DCDC1: variants seen among roughly 807,000 people sequenced by gnomAD.
DCDC1 encodes doublecortin domain-containing protein 1.
DCDC1 carries 200 observed loss-of-function variants against 178.3 expected under a neutral mutation model. The observed-to-expected ratio is 1.12, with a 90% CI of 1.00 to 1.26. The LOEUF (loss-of-function observed/expected upper bound fraction) is 1.26, where lower values mean the gene tolerates loss of function less well. Ranked by LOEUF, DCDC1 falls within the 50% of genes most tolerant of loss-of-function variation. The probability of loss-of-function intolerance (pLI) is 0.00; values close to 1 mark genes in which losing one functional copy is unlikely to be tolerated. For synonymous variants in DCDC1, 690 were observed against 604.8 expected, an observed-to-expected ratio of 1.14 and a Z score of -2.07; for missense variants, 1,983 against 1,749.2, an observed-to-expected ratio of 1.13 and a Z score of -2.38.
chr11:31,352,335 C>T (rs930419243), intron 1 of DCDC1, among the ~76,000 whole-genome samples: 5 of 152,134 alleles, frequency 3.3e-5, no homozygotes, highest in Non-Finnish European at 7.4e-5. Flanking sequence ...AAAGAGAAAT[C>T]GTTTATTTAT....
intron 20 of DCDC1, among the ~76,000 whole-genome samples, chr11:30,997,461 C>T (rs1422120061): frequency 1.3e-5 from 2 of 152,002 alleles, no homozygotes; most frequent in African/African-American, 2.4e-5. Flanking sequence ...AAGAAAAGCG[C>T]TAATCTAGTA....
intron 2 of DCDC1, among the ~76,000 whole-genome samples, chr11:31,332,053 G>T (rs1470959210): frequency 6.6e-6 from 1 of 151,998 alleles, no homozygotes; most frequent in Non-Finnish European, 1.5e-5. Context: ...GCCTCAATTT[G>T]AGAGCCTGTT....
intron 9 of DCDC1, among the ~76,000 whole-genome samples, chr11:31,141,885 C>T (rs564882619): frequency 9.2e-5 from 14 of 152,290 alleles, no homozygotes; most frequent in African/African-American, 3.4e-4. Flanking sequence ...ACCACGAAAT[C>T]AATCATTTGT....
At chr11:31,066,248 A>C (rs1030360943) in intron 18 of DCDC1, among the ~76,000 whole-genome samples, 4 of 152,172 alleles carry the variant, frequency 2.6e-5, no homozygotes, top group African/African-American at 9.6e-5. Flanking sequence ...CTACCCTTAC[A>C]TGGAAGTAAT....
chr11:31,300,413 G>A (rs1948025028), intron 6 of DCDC1, among the ~76,000 whole-genome samples: 1 of 151,832 alleles, frequency 6.6e-6, no homozygotes, highest in Non-Finnish European at 1.5e-5. Flanking sequence ...TTAGACCAGG[G>A]GCTTATAGAC....
At position 30,897,886 on chromosome 11, in the gene DCDC1, A is replaced by G. The variant is rs755180478; in HGVS notation, c.4765+1655T>C. ...ATGTGATGATGACTATTGGAGGGGA[A>G]GTTCAAAGTGGGATAAACCACATTA... On this transcript the variant is annotated intron_variant, in intron 34 of 38. Transcript: ENST00000684477. Among the ~76,000 whole-genome samples the G allele has an allele frequency of 1.1e-4, 17 of 152,260 alleles. 1 individual carries two copies. Among genetic ancestry groups the G allele is most frequent in the East Asian group, 1.9e-4 (1 of 5,152 alleles).
At chr11:31,098,570 A>G (rs532788569) in intron 15 of DCDC1, among the ~76,000 whole-genome samples, 1 of 152,348 alleles carries the variant, frequency 6.6e-6, no homozygotes, top group Non-Finnish European at 1.5e-5. Context: ...ATTTTAAAAC[A>G]TATGCATCAA....
chr11:31,055,936 C>T (rs1305564746), intron 20 of DCDC1, among the ~76,000 whole-genome samples: 1 of 152,082 alleles, frequency 6.6e-6, no homozygotes, highest in Non-Finnish European at 1.5e-5. Context: ...CAAAATCTCA[C>T]AAATCACCAC....
chr11:31,214,001 G>A (rs1001155516), intron 9 of DCDC1, among the ~76,000 whole-genome samples: 1 of 151,880 alleles, frequency 6.6e-6, no homozygotes, highest in Non-Finnish European at 1.5e-5. Flanking sequence ...TGGTGGGGGG[G>A]ACTTCCATTT....
intron 1 of DCDC1, among the ~76,000 whole-genome samples, chr11:31,365,129 C>T (rs187006120): frequency 1.3e-3 from 197 of 152,292 alleles, no homozygotes; most frequent in African/African-American, 4.6e-3. Context: ...GACAGGACTA[C>T]AGTCAACTTT....
intron 25 of DCDC1, among the ~76,000 whole-genome samples, chr11:30,920,362 T>C (rs938720589): frequency 1.3e-5 from 2 of 152,150 alleles, no homozygotes; most frequent in African/African-American, 4.8e-5. Flanking sequence ...AAGGAAGATA[T>C]TACGGCAATA....
chr11:31,068,551 T>C lies in DCDC1; in HGVS notation c.2299-3398A>G, dbSNP rs775503311. Among the ~76,000 whole-genome samples the C allele has an allele frequency of 8.0e-4, 121 of 152,140 alleles. 1 individual carries two copies. The highest frequency in any genetic ancestry group is 1.5e-3 in the Non-Finnish European group (100 of 68,012). ...TGGGAAAAAGTATATCACAAAGTAATATGTATAGTTTTGTGTGGGTGTGGG... is the reference window on the plus strand; with the variant it reads ...TGGGAAAAAGTATATCACAAAGTAACATGTATAGTTTTGTGTGGGTGTGGG... On this transcript the variant is annotated intron_variant, in intron 18 of 38. Transcript: ENST00000684477.
intron 20 of DCDC1, among the ~76,000 whole-genome samples, chr11:31,011,322 A>G (rs974276986): frequency 1.3e-5 from 2 of 152,220 alleles, no homozygotes; most frequent in Non-Finnish European, 2.9e-5. Flanking sequence ...CTAAATTTTT[A>G]AAAACCTGTT....
At chr11:31,336,087 C>T (rs992359867) in intron 1 of DCDC1, among the ~76,000 whole-genome samples, 1 of 152,086 alleles carries the variant, frequency 6.6e-6, no homozygotes, top group African/African-American at 2.4e-5. Flanking sequence ...AGATAATAAA[C>T]AATAAACATC....
intron 6 of DCDC1, among the ~76,000 whole-genome samples, chr11:31,305,399 A>G (rs1414750355): frequency 2.0e-5 from 3 of 152,220 alleles, no homozygotes; most frequent in East Asian, 3.9e-4. Context: ...TCAGATCTAT[A>G]TTAAATTAAG....
At chr11:31,206,386 A>G (rs937942634) in intron 9 of DCDC1, among the ~76,000 whole-genome samples, 8 of 151,988 alleles carry the variant, frequency 5.3e-5, no homozygotes, top group Non-Finnish European at 1.2e-4. Context: ...TGAGATCTCA[A>G]TCTAAGGTCC....
chr11:31,251,467 A>C (rs984332223), intron 8 of DCDC1, among the ~76,000 whole-genome samples: 2 of 152,174 alleles, frequency 1.3e-5, no homozygotes, highest in East Asian at 3.9e-4. Flanking sequence ...CCCGAATAGA[A>C]CAAAAAGGTT....
chr11:31,325,527 T>A (rs564422412), intron 3 of DCDC1, among the ~76,000 whole-genome samples: 1 of 152,158 alleles, frequency 6.6e-6, no homozygotes, highest in South Asian at 2.1e-4. Flanking sequence ...GTACAGAGGT[T>A]TTCACTGTGT....
At chr11:31,019,208 G>C (rs1590779222) in intron 20 of DCDC1, among the ~76,000 whole-genome samples, 1 of 152,034 alleles carries the variant, frequency 6.6e-6, no homozygotes, top group Non-Finnish European at 1.5e-5. Context: ...GAGCTTGGTA[G>C]GTATAACAGC....
Sources: gnomAD v4.1 joint callset for allele counts (sites outside exome capture counted in the v4.1 genomes callset) on GRCh38, gnomAD v4.1.1 for gene constraint, MANE v1.5 for transcripts, NCBI Gene and HGNC (gene_info 2026-07-23, HGNC 2026-07-21) for gene names.